Variants in FARS2 observed in about 807,000 individuals in gnomAD.
The protein encoded by FARS2 is phenylalanine--tRNA ligase, mitochondrial.
In FARS2, 40 loss-of-function variants were observed where a neutral mutation model predicts 46.4. The observed-to-expected ratio is 0.86, with a 90% CI of 0.67 to 1.12. The LOEUF is 1.12. Among genes scored for constraint, FARS2 ranks in the 50% most tolerant of loss-of-function variants. The probability of loss-of-function intolerance (pLI) is 0.00; values close to 1 mark genes in which losing one functional copy is unlikely to be tolerated. For synonymous variants in FARS2, 234 were observed against 214.9 expected (o/e 1.09, Z -0.78); for missense variants, 513 against 567.9 (o/e 0.90, Z 0.98).
chr6:5,260,612 CCCCCCG>C, upstream of FARS2: 2 of 775,738 alleles, frequency 2.6e-6, no homozygotes, highest in Non-Finnish European at 4.0e-6. Context: ...CGGCCCCTGG[CCCCCCG>C]CCCCCGGCCC....
At chr6:5,628,319 G>A (rs1776133867) in intron 6 of FARS2, among the ~76,000 whole-genome samples, 1 of 152,162 alleles carries the variant, frequency 6.6e-6, no homozygotes, top group African/African-American at 2.4e-5. Context: ...GTACAGGGAA[G>A]GCAGAGAAAC....
At chr6:5,470,783 C>G (rs1034106646) in intron 4 of FARS2, among the ~76,000 whole-genome samples, 1 of 152,094 alleles carries the variant, frequency 6.6e-6, no homozygotes, top group African/African-American at 2.4e-5. Flanking sequence ...AGAAAATAGA[C>G]AAATCAATGA....
chr6:5,572,555 A>C (rs1338984013), intron 5 of FARS2, among the ~76,000 whole-genome samples: 1 of 152,116 alleles, frequency 6.6e-6, no homozygotes, highest in Non-Finnish European at 1.5e-5. Flanking sequence ...ATACAAATGT[A>C]CGATCTCCTC....
intron 6 of FARS2, among the ~76,000 whole-genome samples, chr6:5,639,233 T>C (rs1776689500): frequency 6.6e-6 from 1 of 152,224 alleles, no homozygotes; most frequent in Non-Finnish European, 1.5e-5. Flanking sequence ...AGCAAGGTAC[T>C]GGATTTTTCA....
chr6:5,281,073 A>G (rs990903986), intron 1 of FARS2, among the ~76,000 whole-genome samples: 1 of 152,234 alleles, frequency 6.6e-6, no homozygotes, highest in African/African-American at 2.4e-5. Flanking sequence ...CGAGTCTTCC[A>G]CAATTTCCTT....
chr6:5,459,668 C>T (rs2150295983), intron 4 of FARS2, among the ~76,000 whole-genome samples: 1 of 152,268 alleles, frequency 6.6e-6, no homozygotes, highest in South Asian at 2.1e-4. Flanking sequence ...TAAAAAAAGA[C>T]TTCTATTCTT....
chr6:5,737,669 GA>G (rs1365160887), intron 6 of FARS2, among the ~76,000 whole-genome samples: 1 of 152,202 alleles, frequency 6.6e-6, no homozygotes, highest in African/African-American at 2.4e-5. Flanking sequence ...GTGGTCATGT[GA>G]CCCAGTTTTG....
chr6:5,449,272 C>T (rs1229941026), intron 4 of FARS2, among the ~76,000 whole-genome samples: 2 of 146,050 alleles, frequency 1.4e-5, no homozygotes, highest in Non-Finnish European at 3.0e-5. Flanking sequence ...TCGCTTGAAC[C>T]TGGGAGGCAG....
intron 6 of FARS2, among the ~76,000 whole-genome samples, chr6:5,647,158 G>T (rs1457352523): frequency 1.3e-5 from 2 of 152,190 alleles, no homozygotes; most frequent in African/African-American, 4.8e-5. Flanking sequence ...TTTTGTCAGG[G>T]AGGGTCTTCA....
At chr6:5,551,080 G>C (rs1469128951) in intron 5 of FARS2, among the ~76,000 whole-genome samples, 2 of 152,168 alleles carry the variant, frequency 1.3e-5, no homozygotes, top group East Asian at 3.8e-4. Flanking sequence ...TCTTTGCATA[G>C]CAGTTCTCTT....
intron 4 of FARS2, among the ~76,000 whole-genome samples, chr6:5,457,413 T>C (rs1424630983): frequency 6.6e-6 from 1 of 152,242 alleles, no homozygotes; most frequent in African/African-American, 2.4e-5. Context: ...GGGGAAGGGC[T>C]GGCCGACGTT....
At chr6:5,429,902 T>C (rs1413991817) in intron 3 of FARS2, among the ~76,000 whole-genome samples, 1 of 149,820 alleles carries the variant, frequency 6.7e-6, no homozygotes, top group Non-Finnish European at 1.5e-5. Context: ...AGTCACCTGC[T>C]AGCTGTGGGA....
chr6:5,674,000 T>C lies in FARS2; in HGVS notation c.1217+60680T>C, dbSNP rs1032711034. On this transcript the variant is annotated intron_variant, in intron 6 of 6. Transcript: ENST00000274680. ...TGAATCTGTAACAATTTATTGTGTG[T>C]GTGGAAGAATTCTTTCAGCCCAACC... 8.6e-5 allele frequency among the ~76,000 whole-genome samples: 13 copies of C among 151,822 alleles called. 1 individual carries two copies. The highest frequency in any genetic ancestry group is 2.4e-4 in the African/African-American group (10 of 41,360).
chr6:5,365,317 C>CTTTTTTTTTTTTT lies in FARS2; in HGVS notation c.-21-3216_-21-3204dup. The stretch of plus-strand genomic sequence containing the variant: ...GACCTTTGATTGAGAAGTATACTTT[C>CTTTTTTTTTTTTT]TTTTTTTTTTTTTTTTTTTTTTTTT... On this transcript the variant is annotated intron_variant, in intron 1 of 6. Transcript: ENST00000274680. 6.3e-3 allele frequency among the ~76,000 whole-genome samples: 268 copies of CTTTTTTTTTTTTT among 42,498 alleles called. 81 individuals carry two copies. The highest frequency in any genetic ancestry group is 8.6e-3 in the African/African-American group (86 of 9,970). The allele number at this position is 42,498 out of a possible 152,430, so 27.9% of individuals were successfully genotyped here. A position where few individuals can be genotyped will look rare whatever the true frequency, so the allele number is the denominator to read the frequency against.
At position 5,365,659 on chromosome 6, in the gene FARS2, G is replaced by A. The variant is rs117472738; in HGVS notation, c.-21-2891G>A. On this transcript the variant is annotated intron_variant, in intron 1 of 6. Coordinates refer to ENST00000274680, the MANE Select transcript of FARS2 (RefSeq NM_006567.5). ...GAGCCACCACACCCTACTGAGAAAT[G>A]CACTTGACCCCTGGACAACTGATTA... Among the ~76,000 whole-genome samples, 182 of 151,800 alleles carry A rather than the reference G, an allele frequency of 1.2e-3. 4 individuals carry two copies. The East Asian group carries it at 0.031, about 26-fold the overall frequency.
chr6:5,770,254 T>C (rs1430332223), intron 6 of FARS2, among the ~76,000 whole-genome samples: 5 of 152,156 alleles, frequency 3.3e-5, no homozygotes. Flanking sequence ...CCCAGCCCTG[T>C]CTCACCTGCC....
At chr6:5,281,691 A>G (rs970874263) in intron 1 of FARS2, among the ~76,000 whole-genome samples, 1 of 146,396 alleles carries the variant, frequency 6.8e-6, no homozygotes, top group Non-Finnish European at 1.5e-5. Context: ...ATTGTTGTCC[A>G]CAGTGATTGT....
intron 1 of FARS2, among the ~76,000 whole-genome samples, chr6:5,345,570 G>T (rs116593649): frequency 0.033 from 4,975 of 152,320 alleles, 102 homozygotes; most frequent in Non-Finnish European, 0.048. Context: ...TCCACGTGCT[G>T]TCTGTTCAGA....
At chr6:5,354,404 T>C (rs978274629) in intron 1 of FARS2, among the ~76,000 whole-genome samples, 10 of 152,080 alleles carry the variant, frequency 6.6e-5, no homozygotes, top group Non-Finnish European at 8.8e-5. Flanking sequence ...TTGCACAGAA[T>C]GCAGATTTTC....
Sources: allele counts gnomAD v4.1 joint callset (sites outside exome capture counted in the v4.1 genomes callset), GRCh38; gene constraint gnomAD v4.1.1; transcripts MANE v1.5; gene names NCBI Gene and HGNC (gene_info 2026-07-23, HGNC 2026-07-21).